Variants in PRKN observed in about 807,000 individuals in gnomAD.
PRKN encodes E3 ubiquitin-protein ligase parkin.
A neutral mutation model predicts 59.5 loss-of-function variants in PRKN; 56 were observed. The observed-to-expected ratio is 0.94, with a 90% CI of 0.76 to 1.18. The LOEUF (loss-of-function observed/expected upper bound fraction) is 1.18. PRKN is among the 50% of genes most tolerant of loss of function. PRKN has a pLI of 0.00. For synonymous variants in PRKN, 250 were observed against 222.1 expected (o/e 1.13, Z -1.12); for missense variants, 657 against 596.4 (o/e 1.10, Z -1.06).
chr6:161,986,643 T>C (rs758115735), intron 5 of PRKN, among the ~76,000 whole-genome samples: 1 of 152,136 alleles, frequency 6.6e-6, no homozygotes, highest in South Asian at 2.1e-4. Context: ...GAAGGGTTCA[T>C]CACTGGTTTC....
At chr6:162,283,188 T>C (rs1294343683) in intron 2 of PRKN, among the ~76,000 whole-genome samples, 1 of 152,214 alleles carries the variant, frequency 6.6e-6, no homozygotes, top group Admixed American at 6.5e-5. Context: ...CACAGTTATT[T>C]ATATGAACAG....
At chr6:162,359,079 A>AAAAAAAAAAAAAAATATATATATAT (rs57265104) in intron 2 of PRKN, among the ~76,000 whole-genome samples, 1 of 83,248 alleles carries the variant, frequency 1.2e-5, no homozygotes, top group African/African-American at 7.3e-5. Context: ...AAAAAAAAAA[A>AAAAAAAAAAAAAAATATATATATAT]ATATATATAT....
intron 5 of PRKN, among the ~76,000 whole-genome samples, chr6:162,038,543 G>A (rs910356537): frequency 1.3e-5 from 2 of 152,004 alleles, no homozygotes; most frequent in African/African-American, 2.4e-5. Flanking sequence ...TTTCATCTGG[G>A]GCCACCAGCC....
intron 6 of PRKN, among the ~76,000 whole-genome samples, chr6:161,930,318 T>C (rs1779124863): frequency 6.6e-6 from 1 of 152,176 alleles, no homozygotes; most frequent in African/African-American, 2.4e-5. Context: ...ATATAATAGA[T>C]ACAATAATAA....
At chr6:162,616,178 T>C (rs1782403308) in intron 1 of PRKN, among the ~76,000 whole-genome samples, 1 of 152,112 alleles carries the variant, frequency 6.6e-6, no homozygotes, top group Non-Finnish European at 1.5e-5. Flanking sequence ...ACCCATATCC[T>C]CTGGACACTA....
chr6:162,022,607 T>C (rs1460174082), intron 5 of PRKN, among the ~76,000 whole-genome samples: 3 of 152,204 alleles, frequency 2.0e-5, no homozygotes, highest in Non-Finnish European at 4.4e-5. Flanking sequence ...AAATATTTTC[T>C]CTCATTCTGT....
intron 7 of PRKN, among the ~76,000 whole-genome samples, chr6:161,643,791 AT>A (rs547631313): frequency 4.6e-5 from 7 of 152,202 alleles, no homozygotes; most frequent in Admixed American, 2.0e-4. Context: ...AACAAGTAAA[AT>A]TTTTTTTAAA....
intron 4 of PRKN, among the ~76,000 whole-genome samples, chr6:162,087,888 G>A (rs1055816189): frequency 1.3e-5 from 2 of 152,058 alleles, no homozygotes; most frequent in South Asian, 2.1e-4. Context: ...CACTGCGCCC[G>A]GCCAATAATT....
At chr6:161,760,875 A>G (rs1789170429) in intron 7 of PRKN, among the ~76,000 whole-genome samples, 1 of 152,210 alleles carries the variant, frequency 6.6e-6, no homozygotes, top group Non-Finnish European at 1.5e-5. Context: ...ACATATCTAA[A>G]CTGTTATCAA....
At chr6:161,942,398 G>A (rs995640906) in intron 6 of PRKN, among the ~76,000 whole-genome samples, 1 of 152,130 alleles carries the variant, frequency 6.6e-6, no homozygotes, top group Non-Finnish European at 1.5e-5. Context: ...GGGCGTGGTG[G>A]TGGATGCCTG....
chr6:162,646,670 C>T (rs1422686686), intron 1 of PRKN, among the ~76,000 whole-genome samples: 2 of 152,140 alleles, frequency 1.3e-5, no homozygotes, highest in East Asian at 1.9e-4. Context: ...TAGGTGATTT[C>T]ATCATTGTGA....
intron 6 of PRKN, among the ~76,000 whole-genome samples, chr6:161,914,978 T>C (rs577122275): frequency 3.3e-5 from 5 of 152,248 alleles, no homozygotes; most frequent in Admixed American, 2.0e-4. Context: ...CTGAAAATCA[T>C]GTTGTTTTAA....
Position 161,363,549 on chromosome 6 carries a change from G to A in PRKN, c.1168-3344C>T, listed in dbSNP as rs906541680. Among the ~76,000 whole-genome samples the A allele has an allele frequency of 6.6e-6, 1 of 152,220 alleles. No homozygotes were observed. Among genetic ancestry groups the A allele is most frequent in the East Asian group, 1.9e-4 (1 of 5,178 alleles). On this transcript the variant is annotated intron_variant, in intron 10 of 11. Coordinates refer to ENST00000366898, the MANE Select transcript of PRKN (RefSeq NM_004562.3). The surrounding 1 kb of genome is among the most constrained non-coding windows in gnomAD (Gnocchi z 4.1). The stretch of plus-strand genomic sequence containing the variant: ...ATGAAAAGGAGATTAAGAGATGGGG[G>A]GATAAGGTGAGAAGGTCCAGTGTTT...
At chr6:162,419,963 T>A (rs532096337) in intron 2 of PRKN, among the ~76,000 whole-genome samples, 1 of 152,314 alleles carries the variant, frequency 6.6e-6, no homozygotes, top group East Asian at 1.9e-4. Context: ...CTTTTTGGCA[T>A]CAGGGACTGG....
chr6:162,302,680 G>A (rs557506895), intron 2 of PRKN, among the ~76,000 whole-genome samples: 1 of 151,994 alleles, frequency 6.6e-6, no homozygotes, highest in Non-Finnish European at 1.5e-5. Context: ...CAATCTTGTG[G>A]CACTCCAAAC....
intron 1 of PRKN, among the ~76,000 whole-genome samples, chr6:162,701,154 T>A (rs1778137574): frequency 6.6e-6 from 1 of 152,104 alleles, no homozygotes; most frequent in Non-Finnish European, 1.5e-5. Flanking sequence ...AAAGTCAAAT[T>A]TATGAAATGT....
chr6:162,338,885 G>A (rs1206651915), intron 2 of PRKN, among the ~76,000 whole-genome samples: 2 of 148,284 alleles, frequency 1.3e-5, no homozygotes, highest in Non-Finnish European at 3.0e-5. Context: ...TGAGATGTGG[G>A]GAGCGCCTCT....
intron 7 of PRKN, among the ~76,000 whole-genome samples, chr6:161,624,297 C>T (rs528694044): frequency 3.3e-5 from 5 of 152,148 alleles, no homozygotes; most frequent in Admixed American, 6.5e-5. Flanking sequence ...ATTTATGAAA[C>T]GAGTCTTAAA....
At chr6:162,261,488 T>C (rs1039434918) in intron 3 of PRKN, among the ~76,000 whole-genome samples, 1 of 152,202 alleles carries the variant, frequency 6.6e-6, no homozygotes, top group African/African-American at 2.4e-5. Context: ...GGTTGAAACG[T>C]CAGAATTGTT....
Sources: allele counts gnomAD v4.1 joint callset (sites outside exome capture counted in the v4.1 genomes callset), GRCh38; gene constraint gnomAD v4.1.1; non-coding constraint Gnocchi (gnomAD v3.1); transcripts MANE v1.5; gene names NCBI Gene and HGNC (gene_info 2026-07-23, HGNC 2026-07-21).